Variants in CNTN5 observed in about 807,000 individuals in gnomAD.
CNTN5 encodes the protein contactin-5.
In CNTN5, 77 loss-of-function variants were observed where a neutral mutation model predicts 129.1. The observed-to-expected ratio is 0.60, with a 90% CI of 0.50 to 0.72. CNTN5 has a LOEUF of 0.72. Among genes scored for constraint, CNTN5 ranks in the 30% least tolerant of loss-of-function variants. The pLI is 0.00. For synonymous variants in CNTN5, 509 were observed against 465.6 expected, an observed-to-expected ratio of 1.09 and a Z score of -1.20; for missense variants, 1,478 against 1,328.8, an observed-to-expected ratio of 1.11 and a Z score of -1.75.
rs989152198 is a variant in CNTN5 at position 100,336,934 on chromosome 11, T to G, written c.2731-3529T>G. On this transcript the variant is annotated intron_variant, in intron 21 of 24. Transcript: ENST00000524871. ...GAATACATGCAGTCCCCGGTAGGCT[T>G]TGGATCGCGGGCACCTTCTTAGGCA... 6.1e-6 allele frequency: 4 copies of G among 658,854 alleles called. No homozygotes were observed. The African/African-American group carries it at 7.1e-5, about 12-fold the overall frequency. 40.8% of individuals were successfully genotyped at this position (658,854 alleles called of 1,614,324 possible). A position where few individuals can be genotyped will look rare whatever the true frequency, so the allele number is the denominator to read the frequency against.
chr11:99,580,075 C>A (rs1246271235), intron 3 of CNTN5, among the ~76,000 whole-genome samples: 1 of 152,048 alleles, frequency 6.6e-6, no homozygotes, highest in African/African-American at 2.4e-5. Flanking sequence ...TTTTCTGTAT[C>A]TATTGAGATA....
intron 2 of CNTN5, among the ~76,000 whole-genome samples, chr11:99,342,368 A>C (rs952896695): frequency 6.6e-6 from 1 of 151,998 alleles, no homozygotes; most frequent in Non-Finnish European, 1.5e-5. Flanking sequence ...CTATAACATA[A>C]AACAAAGTAG....
chr11:100,121,413 T>C (rs1256342209), intron 13 of CNTN5, among the ~76,000 whole-genome samples: 3 of 151,892 alleles, frequency 2.0e-5, no homozygotes, highest in Non-Finnish European at 4.4e-5. Flanking sequence ...AGAGGAGATT[T>C]TTTTCTTCTT....
At chr11:99,961,985 G>C (rs1014238710) in intron 8 of CNTN5, among the ~76,000 whole-genome samples, 1 of 110,832 alleles carries the variant, frequency 9.0e-6, no homozygotes, top group East Asian at 2.0e-4. Flanking sequence ...GATAGATATA[G>C]TTATATATAC....
At chr11:99,202,955 G>C (rs1160654892) in intron 1 of CNTN5, among the ~76,000 whole-genome samples, 1 of 150,090 alleles carries the variant, frequency 6.7e-6, no homozygotes, top group Non-Finnish European at 1.5e-5. Context: ...GAGAGAGAAA[G>C]AAAAGAAAGA....
chr11:99,181,469 A>T (rs1858060857), intron 1 of CNTN5, among the ~76,000 whole-genome samples: 1 of 152,176 alleles, frequency 6.6e-6, no homozygotes, highest in South Asian at 2.1e-4. Context: ...GTTAGCAGGG[A>T]TGATTCTCCA....
At chr11:100,224,368 T>C (rs953303338) in intron 15 of CNTN5, among the ~76,000 whole-genome samples, 1 of 152,180 alleles carries the variant, frequency 6.6e-6, no homozygotes, top group African/African-American at 2.4e-5. Context: ...TGTCTCTGAA[T>C]AGCAAAGCAA....
At chr11:99,405,198 AG>A (rs1942018272) in intron 2 of CNTN5, among the ~76,000 whole-genome samples, 1 of 152,062 alleles carries the variant, frequency 6.6e-6, no homozygotes, top group African/African-American at 2.4e-5. Context: ...TTCTTGAGGT[AG>A]GCTTCTTTGA....
intron 3 of CNTN5, among the ~76,000 whole-genome samples, chr11:99,717,027 T>TG (rs1311535909): frequency 6.6e-6 from 1 of 152,116 alleles, no homozygotes; most frequent in African/African-American, 2.4e-5. Flanking sequence ...AAATTACAAT[T>TG]GGGCATTCAG....
At chr11:99,960,430 A>C (rs1190656124) in intron 8 of CNTN5, among the ~76,000 whole-genome samples, 1 of 151,858 alleles carries the variant, frequency 6.6e-6, no homozygotes, top group African/African-American at 2.4e-5. Flanking sequence ...ACTTCTTCTT[A>C]GACTAACTCT....
chr11:99,197,149 A>G (rs965917450), intron 1 of CNTN5, among the ~76,000 whole-genome samples: 2 of 152,026 alleles, frequency 1.3e-5, no homozygotes, highest in Non-Finnish European at 2.9e-5. Context: ...AATTGGACAC[A>G]TACAACACCA....
intron 8 of CNTN5, among the ~76,000 whole-genome samples, chr11:99,966,909 T>TAG (rs1951109518): frequency 1.3e-5 from 2 of 152,152 alleles, no homozygotes; most frequent in Non-Finnish European, 2.9e-5. Context: ...GGAGGGGCTT[T>TAG]AGAGGGGCTT....
At chr11:99,744,127 A>G (rs949049302) in intron 3 of CNTN5, among the ~76,000 whole-genome samples, 6 of 152,138 alleles carry the variant, frequency 3.9e-5, no homozygotes, top group African/African-American at 1.2e-4. Context: ...GATTAAGGCC[A>G]TATCACCAGA....
chr11:99,671,881 C>G (rs767431996), intron 3 of CNTN5, among the ~76,000 whole-genome samples: 1 of 152,096 alleles, frequency 6.6e-6, no homozygotes, highest in African/African-American at 2.4e-5. Flanking sequence ...CCTGTGTGCG[C>G]ACGCATACAT....
chr11:100,343,428 G>C (rs927369382), intron 23 of CNTN5, among the ~76,000 whole-genome samples: 1 of 136,656 alleles, frequency 7.3e-6, no homozygotes, highest in Non-Finnish European at 1.6e-5. Flanking sequence ...TGAGTGGGAT[G>C]ATCCCCACTG....
At chr11:99,972,435 C>T (rs1276468763) in intron 8 of CNTN5, among the ~76,000 whole-genome samples, 1 of 152,050 alleles carries the variant, frequency 6.6e-6, no homozygotes, top group Non-Finnish European at 1.5e-5. Flanking sequence ...AAGGCGTGTC[C>T]CTGCGCCTCA....
intron 3 of CNTN5, among the ~76,000 whole-genome samples, chr11:99,697,774 G>A (rs1954338051): frequency 6.6e-6 from 1 of 151,690 alleles, no homozygotes; most frequent in South Asian, 2.1e-4. Context: ...GGGTGTATGG[G>A]AATTGTATGT....
intron 6 of CNTN5, among the ~76,000 whole-genome samples, chr11:99,848,694 T>G (rs968987906): frequency 6.6e-6 from 1 of 152,196 alleles, no homozygotes; most frequent in African/African-American, 2.4e-5. Flanking sequence ...TATAATAGTT[T>G]TATTGAATAC....
intron 3 of CNTN5, among the ~76,000 whole-genome samples, chr11:99,672,209 T>C (rs2135949114): frequency 6.6e-6 from 1 of 152,340 alleles, no homozygotes; most frequent in South Asian, 2.1e-4. Context: ...GTCTGTGGTT[T>C]GCACTTCACT....
Sources: allele counts gnomAD v4.1 joint callset (sites outside exome capture counted in the v4.1 genomes callset), GRCh38; gene constraint gnomAD v4.1.1; transcripts MANE v1.5; gene names NCBI Gene and HGNC (gene_info 2026-07-23, HGNC 2026-07-21).